TTC7B: variants seen among roughly 807,000 people sequenced by gnomAD.
TTC7B encodes the protein tetratricopeptide repeat protein 7B.
Under a neutral mutation model 106.8 loss-of-function variants are expected in TTC7B, and 28 were observed. The ratio of observed to expected loss-of-function variants is 0.26; its 90% CI spans 0.19 to 0.36. TTC7B has a LOEUF of 0.36. TTC7B is among the 10% of genes least tolerant of loss of function. The pLI, the probability that TTC7B is intolerant of heterozygous loss-of-function variation, is 1.00. For missense variants in TTC7B, 862 were observed against 1,076.4 expected (o/e 0.80, Z 2.79); for synonymous variants, 405 against 430.6 (o/e 0.94, Z 0.74).
chr14:90,722,782 C>G (rs769630438), intron 5 of TTC7B, among the ~76,000 whole-genome samples: 3 of 152,142 alleles, frequency 2.0e-5, no homozygotes, highest in Non-Finnish European at 4.4e-5. Context: ...CACAGGTGAC[C>G]ACTTCCTCTT....
chr14:90,789,897 A>G (rs539940568), intron 1 of TTC7B, among the ~76,000 whole-genome samples: 11 of 123,592 alleles, frequency 8.9e-5, no homozygotes, highest in African/African-American at 2.7e-4. Flanking sequence ...CTCTGTCTCA[A>G]AAAAAAAAAA....
chr14:90,787,192 C>A (rs1891422328), intron 1 of TTC7B, among the ~76,000 whole-genome samples: 1 of 152,186 alleles, frequency 6.6e-6, no homozygotes, highest in African/African-American at 2.4e-5. Context: ...TCTGGGAATG[C>A]TTGCATGAAG....
chr14:90,704,499 C>A (rs116489356), intron 5 of TTC7B, among the ~76,000 whole-genome samples: 1 of 152,342 alleles, frequency 6.6e-6, no homozygotes, highest in African/African-American at 2.4e-5. Context: ...AAGATGATCC[C>A]TGTCGTGCAG....
chr14:90,552,459 G>A (rs568847303), intron 19 of TTC7B, among the ~76,000 whole-genome samples: 8 of 152,332 alleles, frequency 5.3e-5, no homozygotes, highest in South Asian at 2.1e-4. Context: ...GCAGGTGGCC[G>A]GAGCCTGCAC....
intron 1 of TTC7B, among the ~76,000 whole-genome samples, chr14:90,788,498 CAT>C (rs1309769523): frequency 6.6e-6 from 1 of 152,078 alleles, no homozygotes; most frequent in East Asian, 1.9e-4. Context: ...CAAAAACAAT[CAT>C]ATATCCGAAA....
chr14:90,703,959 A>G (rs1274496793), intron 5 of TTC7B, among the ~76,000 whole-genome samples: 1 of 152,186 alleles, frequency 6.6e-6, no homozygotes, highest in East Asian at 1.9e-4. Context: ...GCTCATGAGA[A>G]GAAGGACTGG....
chr14:90,689,295 C>T (rs1887372045), intron 7 of TTC7B, among the ~76,000 whole-genome samples: 1 of 152,168 alleles, frequency 6.6e-6, no homozygotes, highest in Admixed American at 6.5e-5. Context: ...ATAGTGATGG[C>T]TGCAAATGGC....
At chr14:90,642,843 A>C (rs1885241423) in intron 15 of TTC7B, 1 of 152,016 alleles carries the variant, frequency 6.6e-6, no homozygotes, top group Non-Finnish European at 1.5e-5. Context: ...AGACACAGAG[A>C]GGGAAGCTAT....
chr14:90,776,919 G>T (rs539985248), intron 3 of TTC7B, among the ~76,000 whole-genome samples: 1 of 152,184 alleles, frequency 6.6e-6, no homozygotes, highest in Non-Finnish European at 1.5e-5. Context: ...GAATAATGGT[G>T]TTTACCTCAT....
In TTC7B at chr14:90,644,255, A is replaced by ACG. The variant is rs371942362; in HGVS notation, c.1591-49_1591-48dup. 5 of 1,372,948 alleles carry ACG rather than the reference A, an allele frequency of 3.6e-6. No individual in the cohort carries two copies. The African/African-American group carries it at 8.2e-5, about 23-fold the overall frequency. The allele number at this position is 1,372,948 out of a possible 1,614,324, so 85.0% of individuals were successfully genotyped here. A position where few individuals can be genotyped will look rare whatever the true frequency, so the allele number is the denominator to read the frequency against. On this transcript the variant is annotated intron_variant, in intron 14 of 19. Coordinates refer to ENST00000328459, the MANE Select transcript of TTC7B (RefSeq NM_001010854.2). ...AAAGGTTTTACATACACACATGCACACGCACACACACACACACACACACAC... is the reference window on the plus strand; with the variant it reads ...AAAGGTTTTACATACACACATGCACACGCGCACACACACACACACACACACAC...
intron 18 of TTC7B, among the ~76,000 whole-genome samples, chr14:90,580,485 AC>A (rs1230098211): frequency 2.6e-5 from 4 of 152,086 alleles, no homozygotes; most frequent in Non-Finnish European, 4.4e-5. Context: ...TGCAGCCCCC[AC>A]AGAGAACAGC....
At chr14:90,618,280 G>A (rs937765768) in intron 15 of TTC7B, among the ~76,000 whole-genome samples, 3 of 152,220 alleles carry the variant, frequency 2.0e-5, no homozygotes, top group Non-Finnish European at 4.4e-5. Flanking sequence ...TTGTGGTCAG[G>A]CTGAAAGCAT....
chr14:90,584,271 G>A (rs1033903562), intron 18 of TTC7B, among the ~76,000 whole-genome samples: 3 of 152,236 alleles, frequency 2.0e-5, no homozygotes, highest in African/African-American at 7.2e-5. Context: ...TGGGGGACCT[G>A]GTGCTAGATG....
intron 17 of TTC7B, chr14:90,593,838 G>C (rs764744438): frequency 2.3e-6 from 1 of 437,076 alleles, no homozygotes; most frequent in African/African-American, 2.0e-5. Context: ...AACAAACAGA[G>C]CACATGCCCC....
chr14:90,615,597 T>C (rs755137623), intron 16 of TTC7B, among the ~76,000 whole-genome samples: 4 of 152,220 alleles, frequency 2.6e-5, no homozygotes, highest in African/African-American at 9.6e-5. Context: ...CTGGAGCCAC[T>C]GCGGCCCCAC....
At position 90,534,073 on chromosome 14, in the gene TTC7B, A is replaced by T. The variant is rs563687130; in HGVS notation, c.*7295T>A. On this transcript the variant is annotated 3_prime_UTR_variant, in exon 20 of 20. Transcript: ENST00000328459. ...TCTGAGTCCAGGGAGGGACAGTGGC[A>T]CAGTGAGGATCACCCCCAGCAGGTG... The T allele has an allele frequency of 3.3e-5, 5 of 152,504 alleles. No individual in the cohort carries two copies. The highest frequency in any genetic ancestry group is 4.8e-5 in the African/African-American group (2 of 41,600). The allele number at this position is 152,504 out of a possible 1,614,324, so 9.4% of individuals were successfully genotyped here.
intron 7 of TTC7B, among the ~76,000 whole-genome samples, chr14:90,681,727 G>A (rs1030216879): frequency 6.6e-6 from 1 of 152,178 alleles, no homozygotes; most frequent in Non-Finnish European, 1.5e-5. Context: ...AGCAAGATTC[G>A]GGGATGTGCA....
chr14:90,695,654 C>T (rs1213424946), intron 5 of TTC7B, 76 bp from the exon 6 acceptor site: 6 of 917,230 alleles, frequency 6.5e-6, no homozygotes, highest in Non-Finnish European at 6.3e-6. Flanking sequence ...CGTTTCAATG[C>T]ATTTTGTCTG....
rs1449219108 is a variant in TTC7B at position 90,575,103 on chromosome 14, G to A, written c.2310+3003C>T. 6.6e-6 allele frequency among the ~76,000 whole-genome samples: 1 copy of A among 152,108 alleles called. No individual in the cohort carries two copies. Among genetic ancestry groups the A allele is most frequent in the Non-Finnish European group, 1.5e-5 (1 of 68,012 alleles). ...GGTCGGGGCCCTGCCTCCTCCCTGG[G>A]GCTTGACCTGGTAAGACAGCCTCTC... On this transcript the variant is annotated intron_variant, in intron 19 of 19. Transcript: ENST00000328459. The surrounding 1 kb of genome is among the most constrained non-coding windows in gnomAD (Gnocchi z 5.2).
Sources: gnomAD v4.1 joint callset for allele counts (sites outside exome capture counted in the v4.1 genomes callset) on GRCh38, gnomAD v4.1.1 for gene constraint, Gnocchi (gnomAD v3.1) non-coding constraint, MANE v1.5 for transcripts, NCBI Gene and HGNC (gene_info 2026-07-23, HGNC 2026-07-21) for gene names.